ZIM3: variants seen among roughly 807,000 people sequenced by gnomAD.
The protein encoded by ZIM3 is zinc finger protein 657.
A neutral mutation model predicts 12.9 loss-of-function variants in ZIM3; 11 were observed. The ratio of observed to expected loss-of-function variants is 0.85; its 90% CI spans 0.54 to 1.41. The LOEUF (loss-of-function observed/expected upper bound fraction) is 1.41. Among genes scored for constraint, ZIM3 ranks in the 40% most tolerant of loss-of-function variants. The probability of loss-of-function intolerance (pLI) is 0.00; values close to 1 mark genes in which losing one functional copy is unlikely to be tolerated. For missense variants in ZIM3, 604 were observed against 557.2 expected (o/e 1.08, Z -0.85); for synonymous variants, 205 against 198.5 (o/e 1.03, Z -0.28).
chr19:57,138,054 A>AAGGAAG (rs2086897191), intron 3 of ZIM3, among the ~76,000 whole-genome samples: 8 of 45,736 alleles, frequency 1.7e-4, no homozygotes, highest in African/African-American at 3.0e-4. Flanking sequence ...AAGGAAGGAA[A>AAGGAAG]GAAGGAAGGA....
chr19:57,135,235 AT>A lies in ZIM3; in HGVS notation c.1101del (p.Cys368ValfsTer65). On this transcript the variant is annotated frameshift_variant, in exon 5 of 5. Coordinates refer to ENST00000269834, the MANE Select transcript of ZIM3 (RefSeq NM_052882.1). LOFTEE classifies it low-confidence loss of function (END_TRUNC). ...HTGKRAYECD[L>X]CGNTFIQKKN... ...TTCTTCTGGATAAAGGTATTTCCAC[AT>A]AGATCACACTCATAAGCTCTCTTCC... The A allele has an allele frequency of 6.2e-7, 1 of 1,613,978 alleles. No homozygotes were observed. Among genetic ancestry groups the A allele is most frequent in the Non-Finnish European group, 8.5e-7 (1 of 1,179,978 alleles).
rs577980185 is a variant in ZIM3 at position 57,144,906 on chromosome 19, C to G, written c.-90G>C. ...TTAGCAAGTTGATTGATTTCTGATGCCTGTGGTCTTTTCTTCTGAAAGGGA... is the reference window on the plus strand; with the variant it reads ...TTAGCAAGTTGATTGATTTCTGATGGCTGTGGTCTTTTCTTCTGAAAGGGA... On this transcript the variant is annotated 5_prime_UTR_variant, in exon 1 of 5. Transcript: ENST00000269834. 2.0e-5 allele frequency: 3 copies of G among 152,276 alleles called. No homozygotes were observed. Among genetic ancestry groups the G allele is most frequent in the South Asian group, 2.1e-4 (1 of 4,830 alleles). The allele number at this position is 152,276 out of a possible 1,614,324, so 9.4% of individuals were successfully genotyped here.
chr19:57,135,397 T>C lies in ZIM3; in HGVS notation c.940A>G (p.Lys314Glu), dbSNP rs1370430287. The part of the protein sequence containing the change: ...QKPFQCTDCG[K>E]AFIYKSDLVK... ...AGATCTGACTTGTAAATGAAAGCCT[T>C]TCCACAGTCCGTACATTGAAAGGGT... is the stretch of plus-strand genomic sequence containing the variant. Residue 314 changes from lysine (K) to glutamate (E), a missense_variant, in exon 5 of 5, where the codon AAG becomes GAG. Transcript: ENST00000269834. 3 of 1,614,136 alleles carry C rather than the reference T, an allele frequency of 1.9e-6. No homozygotes were observed. The highest frequency in any genetic ancestry group is 2.5e-6 in the Non-Finnish European group (3 of 1,179,996).
intron 1 of ZIM3, among the ~76,000 whole-genome samples, chr19:57,143,342 AAAAG>A (rs1351745692): frequency 2.1e-5 from 3 of 143,550 alleles, no homozygotes; most frequent in African/African-American, 2.6e-5. Context: ...AAAAAAAAAA[AAAAG>A]AGAGAGAGAG....
rs767434577 is a variant in ZIM3, at chr19:57,134,703, G to C, written c.*215C>G. 6 of 531,430 alleles carry C rather than the reference G, an allele frequency of 1.1e-5. No individual in the cohort carries two copies. The highest frequency in any genetic ancestry group is 2.0e-5 in the Non-Finnish European group (6 of 304,328). 32.9% of individuals were successfully genotyped at this position (531,430 alleles called of 1,614,324 possible). On this transcript the variant is annotated 3_prime_UTR_variant, in exon 5 of 5. Transcript: ENST00000269834. ...ATTGCTACATCTTCAGTGTTTAAGA[G>C]TTCCTGGTACACAAAAGGCATCTAA...
At chr19:57,142,161 T>TTTTTTA (rs2086916662) in intron 2 of ZIM3, among the ~76,000 whole-genome samples, 5 of 125,208 alleles carry the variant, frequency 4.0e-5, no homozygotes, top group African/African-American at 1.3e-4. Flanking sequence ...TTTTTTTTTT[T>TTTTTTA]GAGACAGGGT....
At chr19:57,136,702 A>G (rs2086888841) in intron 4 of ZIM3, among the ~76,000 whole-genome samples, 171 bp downstream of exon 4, 1 of 152,076 alleles carries the variant, frequency 6.6e-6, no homozygotes, top group Admixed American at 6.6e-5. Flanking sequence ...TTGCCTGCAA[A>G]GGAAAACCCA....
chr19:57,136,338 T>C (rs994117650), intron 4 of ZIM3, among the ~76,000 whole-genome samples: 2 of 152,014 alleles, frequency 1.3e-5, no homozygotes, highest in African/African-American at 4.8e-5. Flanking sequence ...GGTGAGAGCC[T>C]AGGGATACCA....
In ZIM3 at chr19:57,136,025, G is replaced by A; in HGVS notation, c.312C>T (p.Val104=). The change falls in exon 5 of 5, where the codon GTC becomes GTT. Residue 104 remains valine, a synonymous_variant. Transcript: ENST00000269834. ...KDVKESLARE[V]PSINKETLTT... is the part of the protein sequence containing the mutation. ...TCAGCGTTTCCTTATTGATTGATGG[G>A]ACTTCTCTTGCGAGACTCTCTTTCA... 2 of 1,614,062 alleles carry A rather than the reference G, an allele frequency of 1.2e-6. No individual in the cohort carries two copies.
intron 2 of ZIM3, among the ~76,000 whole-genome samples, chr19:57,139,007 T>C (rs12461894): frequency 0.41 from 62,406 of 151,790 alleles, 14,514 homozygotes; most frequent in South Asian, 0.56. Context: ...CTGGGGAACA[T>C]AGCAAAACCC....
chr19:57,135,920 G>C lies in ZIM3; in HGVS notation c.417C>G (p.His139Gln). The C allele has an allele frequency of 6.2e-7, 1 of 1,614,064 alleles. No homozygotes were observed. Among genetic ancestry groups the C allele is most frequent in the Non-Finnish European group, 8.5e-7 (1 of 1,180,026 alleles). Reference sequence around the variant, plus strand: ...CATCGTGAGAATTATTTTGTACATAGTGTTGCAAGGAAGATACATCATCTA... The same window carrying C: ...CATCGTGAGAATTATTTTGTACATACTGTTGCAAGGAAGATACATCATCTA... ...LGIDDVSSLQ[H>Q]YVQNNSHDDN... Residue 139 changes from histidine (H) to glutamine (Q), a missense_variant, in exon 5 of 5, where the codon CAC becomes CAG. Coordinates refer to ENST00000269834, the MANE Select transcript of ZIM3 (RefSeq NM_052882.1).
At chr19:57,140,230 G>T (rs1260046649) in intron 2 of ZIM3, among the ~76,000 whole-genome samples, 1 of 151,880 alleles carries the variant, frequency 6.6e-6, no homozygotes, top group African/African-American at 2.4e-5. Context: ...AGGCTGGAGT[G>T]CAGTGGCACA....
intron 1 of ZIM3, 32 bp from the exon 2 acceptor site, chr19:57,142,717 G>T (rs971279530): frequency 2.6e-6 from 4 of 1,560,416 alleles, no homozygotes; most frequent in Non-Finnish European, 3.5e-6. Flanking sequence ...CCATGAAATA[G>T]CAGAATTCGC....
chr19:57,137,933 AGG>A, intron 3 of ZIM3, among the ~76,000 whole-genome samples: 5 of 55,116 alleles, frequency 9.1e-5, no homozygotes, highest in African/African-American at 3.2e-4. Context: ...GAAGGAAGGA[AGG>A]AAGGAAGGAA....
chr19:57,135,615 T>C lies in ZIM3; in HGVS notation c.722A>G (p.His241Arg). 6.2e-7 allele frequency: 1 copy of C among 1,612,090 alleles called. No individual in the cohort carries two copies. Among genetic ancestry groups the C allele is most frequent in the Non-Finnish European group, 8.5e-7 (1 of 1,178,250 alleles). The change falls in exon 5 of 5, where the codon CAT (histidine) becomes CGT (arginine). Residue 241 changes from histidine to arginine, a missense_variant. By Grantham distance (29) the His-to-Arg change is conservative. Coordinates refer to ENST00000269834, the MANE Select transcript of ZIM3 (RefSeq NM_052882.1). ...TTTCTCTTTAGTATGCATTTTCTGATGTTGAAAGAGATTTGACTTCTGCTT... is the reference window on the plus strand; with the variant it reads ...TTTCTCTTTAGTATGCATTTTCTGACGTTGAAAGAGATTTGACTTCTGCTT... ...AYKQKSNLFQ[H>R]QKMHTKEKPY... is the part of the protein sequence containing the mutation.
Position 57,137,918 on chromosome 19 carries a change from GGAAA to G in ZIM3, c.142+550_142+553del, listed in dbSNP as rs1247943100. 6.3e-4 allele frequency among the ~76,000 whole-genome samples: 28 copies of G among 44,392 alleles called. 5 individuals are homozygous for G. Among genetic ancestry groups the G allele is most frequent in the African/African-American group, 2.7e-3 (27 of 10,064 alleles). 29.1% of individuals were successfully genotyped at this position (44,392 alleles called of 152,430 possible). Reference sequence around the variant, plus strand: ...AGGAAGGAAAGAAGGAAGGAAGGAAGGAAAGAAGGAAGGAAGGAAGGAAGGAAGG... The same window carrying G: ...AGGAAGGAAAGAAGGAAGGAAGGAAGGAAGGAAGGAAGGAAGGAAGGAAGG... On this transcript the variant is annotated intron_variant, in intron 3 of 4. Transcript: ENST00000269834.
chr19:57,142,495 G>A, intron 2 of ZIM3, 134 bp downstream of exon 2: 2 of 912,076 alleles, frequency 2.2e-6, no homozygotes, highest in Non-Finnish European at 3.4e-6. Flanking sequence ...AGTAGAGTGT[G>A]TGTTACCTTT....
chr19:57,138,679 C>A, intron 2 of ZIM3, 81 bp from the exon 3 acceptor site: 1 of 1,536,188 alleles, frequency 6.5e-7, no homozygotes, highest in South Asian at 1.2e-5. Flanking sequence ...TTCTGCTGAA[C>A]CAAGCTTTAA....
chr19:57,144,746 C>G (rs1347097134), intron 1 of ZIM3, 113 bp downstream of exon 1: 1 of 151,938 alleles, frequency 6.6e-6, no homozygotes, highest in East Asian at 1.9e-4. Context: ...AAATATTTAG[C>G]TTATTCCAGC....
Sources: gnomAD v4.1 joint callset for allele counts (sites outside exome capture counted in the v4.1 genomes callset) on GRCh38, gnomAD v4.1.1 for gene constraint, MANE v1.5 for transcripts, NCBI Gene and HGNC (gene_info 2026-07-23, HGNC 2026-07-21) for gene names.